Variants in MLLT3 observed in about 807,000 individuals in gnomAD.
MLLT3 encodes the protein protein AF-9.
A neutral mutation model predicts 53.2 loss-of-function variants in MLLT3; 4 were observed. The ratio of observed to expected loss-of-function variants is 0.08; its 90% CI spans 0.04 to 0.17. MLLT3 has a LOEUF of 0.17. MLLT3 is among the 10% of genes least tolerant of loss of function. The pLI is 1.00. For missense variants in MLLT3, 569 were observed against 684.0 expected (o/e 0.83, Z 1.87); for synonymous variants, 283 against 230.6 (o/e 1.23, Z -2.06).
chr9:20,378,795 T>G (rs1224354062), intron 5 of MLLT3, among the ~76,000 whole-genome samples: 2 of 152,102 alleles, frequency 1.3e-5, no homozygotes, highest in Non-Finnish European at 2.9e-5. Flanking sequence ...GAAAATGAAC[T>G]AAAGTAGCAA....
chr9:20,421,177 T>A (rs1392836091), intron 4 of MLLT3, among the ~76,000 whole-genome samples: 4 of 151,912 alleles, frequency 2.6e-5, no homozygotes, highest in African/African-American at 9.7e-5. Flanking sequence ...GGCAGGAAAA[T>A]CACTTAAACC....
At chr9:20,518,918 A>G (rs1817984424) in intron 2 of MLLT3, among the ~76,000 whole-genome samples, 1 of 152,244 alleles carries the variant, frequency 6.6e-6, no homozygotes, top group Non-Finnish European at 1.5e-5. Context: ...GCAATGTGGG[A>G]TCCTGGTTTG....
intron 5 of MLLT3, among the ~76,000 whole-genome samples, chr9:20,366,462 G>T (rs1821454558): frequency 6.6e-6 from 1 of 152,154 alleles, no homozygotes; most frequent in African/African-American, 2.4e-5. Flanking sequence ...CATTTGGGTT[G>T]GTTCCAAGTC....
chr9:20,387,802 C>T (rs1822078777), intron 5 of MLLT3, among the ~76,000 whole-genome samples: 1 of 152,184 alleles, frequency 6.6e-6, no homozygotes, highest in South Asian at 2.1e-4. Context: ...AATTCTCAAG[C>T]CACCACAGGA....
At chr9:20,593,933 A>G (rs913935107) in intron 2 of MLLT3, among the ~76,000 whole-genome samples, 5 of 146,678 alleles carry the variant, frequency 3.4e-5, no homozygotes, top group East Asian at 2.0e-4. Context: ...AGCTTACTCA[A>G]TGTTCTCATT....
intron 2 of MLLT3, among the ~76,000 whole-genome samples, chr9:20,528,684 T>C (rs1238494583): frequency 6.6e-6 from 1 of 152,208 alleles, no homozygotes; most frequent in Non-Finnish European, 1.5e-5. Context: ...CTGTCAAATC[T>C]CACCCTCATT....
chr9:20,370,636 G>C (rs368076421), intron 5 of MLLT3, among the ~76,000 whole-genome samples: 1 of 151,798 alleles, frequency 6.6e-6, no homozygotes, highest in African/African-American at 2.4e-5. Context: ...TCAGCCTCCC[G>C]AGTAGCTGGG....
At chr9:20,546,936 G>A (rs1818803991) in intron 2 of MLLT3, among the ~76,000 whole-genome samples, 1 of 152,106 alleles carries the variant, frequency 6.6e-6, no homozygotes, top group Non-Finnish European at 1.5e-5. Context: ...TGCTGCCATT[G>A]GCCTGTGCAG....
chr9:20,564,375 A>G (rs1433885747), intron 2 of MLLT3, among the ~76,000 whole-genome samples: 1 of 149,882 alleles, frequency 6.7e-6, no homozygotes, highest in East Asian at 2.4e-4. Flanking sequence ...CCTTTATTTG[A>G]TCATGGAGAA....
chr9:20,586,722 G>A (rs1248450711), intron 2 of MLLT3, among the ~76,000 whole-genome samples: 7 of 151,508 alleles, frequency 4.6e-5, no homozygotes, highest in South Asian at 2.1e-4. Context: ...GGAGAGGAAT[G>A]AAGGGAAAAA....
At chr9:20,357,269 T>C (rs1029362216) in intron 8 of MLLT3, among the ~76,000 whole-genome samples, 1 of 152,194 alleles carries the variant, frequency 6.6e-6, no homozygotes, top group Non-Finnish European at 1.5e-5. Context: ...CCTGCCAAGC[T>C]TCTGGCTAAA....
intron 4 of MLLT3, among the ~76,000 whole-genome samples, chr9:20,419,984 A>G (rs1822966377): frequency 6.6e-6 from 1 of 152,200 alleles, no homozygotes; most frequent in Non-Finnish European, 1.5e-5. Flanking sequence ...CAACTAAATT[A>G]TTTCCACAGA....
At chr9:20,515,220 A>G (rs1052956919) in intron 2 of MLLT3, among the ~76,000 whole-genome samples, 4 of 152,130 alleles carry the variant, frequency 2.6e-5, no homozygotes, top group Non-Finnish European at 2.9e-5. Context: ...TGCTGGGATT[A>G]CAGGCGTGAG....
intron 2 of MLLT3, among the ~76,000 whole-genome samples, chr9:20,560,415 T>C (rs1819173361): frequency 6.6e-6 from 1 of 152,200 alleles, no homozygotes; most frequent in African/African-American, 2.4e-5. Context: ...ATACCAACTA[T>C]ACTGTCATTC....
At position 20,513,396 on chromosome 9, in the gene MLLT3, T is replaced by C. The variant is rs529594763; in HGVS notation, c.194-56610A>G. The stretch of plus-strand genomic sequence containing the variant: ...AACATGTGAAATACCAGAAGCAACG[T>C]ACGACAAATTGGTGAGAGGAGGAGT... On this transcript the variant is annotated intron_variant, in intron 2 of 10. Transcript: ENST00000380338. Among the ~76,000 whole-genome samples the C allele has an allele frequency of 2.6e-5, 4 of 152,254 alleles. No homozygotes were observed. In the East Asian group the frequency reaches 7.7e-4, roughly 29 times the overall value.
chr9:20,514,702 T>A (rs375287691), intron 2 of MLLT3, among the ~76,000 whole-genome samples: 1 of 152,066 alleles, frequency 6.6e-6, no homozygotes, highest in African/African-American at 2.4e-5. Flanking sequence ...TAGGGCAAGA[T>A]AGAAACTGTT....
chr9:20,565,231 G>GT (rs1159893294), intron 2 of MLLT3, among the ~76,000 whole-genome samples: 1 of 151,738 alleles, frequency 6.6e-6, no homozygotes, highest in Non-Finnish European at 1.5e-5. Context: ...ATTATCTTCT[G>GT]TAAGTGTGTT....
At position 20,486,104 on chromosome 9, in the gene MLLT3, G is replaced by A. The variant is rs77883854; in HGVS notation, c.194-29318C>T. Among the ~76,000 whole-genome samples the A allele has an allele frequency of 6.3e-3, 963 of 152,172 alleles. 13 individuals carry two copies. The highest frequency in any genetic ancestry group is 0.023 in the African/African-American group (938 of 41,526). ...TCATCCATTTCCTGAAATAAAATTT[G>A]TATCTGTCAGTCACATGATAAACAT... On this transcript the variant is annotated intron_variant, in intron 2 of 10. Coordinates refer to ENST00000380338, the MANE Select transcript of MLLT3 (RefSeq NM_004529.4).
chr9:20,389,687 G>A (rs969012775), intron 5 of MLLT3, among the ~76,000 whole-genome samples: 7 of 152,138 alleles, frequency 4.6e-5, no homozygotes, highest in Admixed American at 1.3e-4. Context: ...GGCTAAGGCA[G>A]GAGGATCACT....
Sources: gnomAD v4.1 joint callset for allele counts (sites outside exome capture counted in the v4.1 genomes callset) on GRCh38, gnomAD v4.1.1 for gene constraint, MANE v1.5 for transcripts, NCBI Gene and HGNC (gene_info 2026-07-23, HGNC 2026-07-21) for gene names.